FHOD3: variants seen among roughly 807,000 people sequenced by gnomAD.
FHOD3 encodes the protein FH1/FH2 domain-containing protein 3.
FHOD3 carries 90 observed loss-of-function variants against 173.0 expected under a neutral mutation model. That is an observed-to-expected ratio of 0.52 (90% confidence interval 0.44 to 0.62). The LOEUF is 0.62. Ranked by LOEUF, FHOD3 falls within the 20% of genes least tolerant of loss-of-function variation. The probability of loss-of-function intolerance (pLI) is 0.00; values close to 1 mark genes in which losing one functional copy is unlikely to be tolerated. For missense variants in FHOD3, 1,945 were observed against 2,034.7 expected, an observed-to-expected ratio of 0.96 and a Z score of 0.85; for synonymous variants, 828 against 823.0, an observed-to-expected ratio of 1.01 and a Z score of -0.10.
intron 28 of FHOD3, chr18:36,778,269 C>G (rs139897189): frequency 6.6e-6 from 1 of 152,240 alleles, no homozygotes; most frequent in African/African-American, 2.4e-5. Context: ...GGCAAAGGAA[C>G]TGGGGAGACA....
At chr18:36,377,173 A>G (rs1487559552) in intron 3 of FHOD3, among the ~76,000 whole-genome samples, 3 of 152,112 alleles carry the variant, frequency 2.0e-5, no homozygotes, top group Non-Finnish European at 1.5e-5. Context: ...ACCCCCAACC[A>G]CTGTCCCCTC....
At chr18:36,465,511 G>C (rs1377823480) in intron 3 of FHOD3, among the ~76,000 whole-genome samples, 1 of 152,174 alleles carries the variant, frequency 6.6e-6, no homozygotes, top group Non-Finnish European at 1.5e-5. Context: ...AGGAGGGGCA[G>C]TGCTGCCCAC....
At chr18:36,438,981 C>A (rs1277819681) in intron 3 of FHOD3, among the ~76,000 whole-genome samples, 1 of 152,194 alleles carries the variant, frequency 6.6e-6, no homozygotes, top group East Asian at 1.9e-4. Flanking sequence ...CAGGCAGTTG[C>A]AGACACAAGC....
At chr18:36,589,222 A>T (rs1046227906) in intron 6 of FHOD3, among the ~76,000 whole-genome samples, 1 of 152,358 alleles carries the variant, frequency 6.6e-6, no homozygotes, top group Middle Eastern at 3.4e-3. Context: ...ATTATTTCAG[A>T]TTTCTGTTAT....
intron 1 of FHOD3, among the ~76,000 whole-genome samples, chr18:36,325,455 G>A (rs539576907): frequency 3.9e-5 from 6 of 152,332 alleles, no homozygotes; most frequent in African/African-American, 1.2e-4. Flanking sequence ...TAACTTGAAG[G>A]TTATACAGTG....
At chr18:36,525,542 T>C (rs1320359510) in intron 5 of FHOD3, among the ~76,000 whole-genome samples, 1 of 152,186 alleles carries the variant, frequency 6.6e-6, no homozygotes. Flanking sequence ...CAATTTGTTA[T>C]ACAGAGTTAG....
intron 1 of FHOD3, among the ~76,000 whole-genome samples, chr18:36,298,386 A>G (rs1348060685): frequency 6.6e-6 from 1 of 152,110 alleles, no homozygotes; most frequent in Non-Finnish European, 1.5e-5. Flanking sequence ...CGCGGGAAGA[A>G]GCGGAGCGCC....
intron 18 of FHOD3, chr18:36,710,893 A>G (rs2040135781): frequency 6.6e-6 from 1 of 152,260 alleles, no homozygotes; most frequent in South Asian, 2.1e-4. Context: ...AATAGCTTTA[A>G]GAATTATTAA....
At chr18:36,336,393 A>G (rs2045309893) in intron 1 of FHOD3, among the ~76,000 whole-genome samples, 1 of 152,216 alleles carries the variant, frequency 6.6e-6, no homozygotes, top group Admixed American at 6.5e-5. Flanking sequence ...TTAGCTGTAG[A>G]GTATCTCTAG....
At chr18:36,574,070 T>C (rs1186035844) in intron 5 of FHOD3, among the ~76,000 whole-genome samples, 2 of 152,128 alleles carry the variant, frequency 1.3e-5, no homozygotes, top group Non-Finnish European at 2.9e-5. Context: ...CAAATGGAGG[T>C]AAAAATACCC....
At chr18:36,398,277 G>A (rs959313225) in intron 3 of FHOD3, among the ~76,000 whole-genome samples, 7 of 152,106 alleles carry the variant, frequency 4.6e-5, no homozygotes, top group Admixed American at 3.3e-4. Context: ...CCATATCTTG[G>A]GATGCTGATG....
At position 36,580,785 on chromosome 18, in the gene FHOD3, A is replaced by G. The variant is rs751156683; in HGVS notation, c.606+4240A>G. 3.9e-5 allele frequency among the ~76,000 whole-genome samples: 6 copies of G among 152,370 alleles called. 1 individual carries two copies. Among genetic ancestry groups the G allele is most frequent in the South Asian group, 4.1e-4 (2 of 4,832 alleles). The stretch of plus-strand genomic sequence containing the variant: ...CCTCCTTAAACATACAGTTTGGTCA[A>G]TACAGCTGCAATGGGTTTTCCCCAA... On this transcript the variant is annotated intron_variant, in intron 6 of 28. Coordinates refer to ENST00000590592, the MANE Select transcript of FHOD3 (RefSeq NM_001281740.3).
intron 5 of FHOD3, among the ~76,000 whole-genome samples, chr18:36,572,111 T>C (rs1021070940): frequency 6.6e-6 from 1 of 152,198 alleles, no homozygotes; most frequent in Non-Finnish European, 1.5e-5. Flanking sequence ...AGCCGTGTCA[T>C]TTTTGAGATG....
intron 1 of FHOD3, among the ~76,000 whole-genome samples, chr18:36,337,204 T>G (rs2045366037): frequency 6.6e-6 from 1 of 152,072 alleles, no homozygotes; most frequent in Admixed American, 6.5e-5. Context: ...ATTTTTATAT[T>G]AAAGGTCAGA....
chr18:36,579,730 G>A (rs901134605), intron 6 of FHOD3, among the ~76,000 whole-genome samples: 1 of 152,158 alleles, frequency 6.6e-6, no homozygotes, highest in East Asian at 1.9e-4. Context: ...GAGAGACTGG[G>A]CCCTCACAGT....
intron 27 of FHOD3, 89 bp downstream of exon 27, chr18:36,760,871 G>A: frequency 2.2e-6 from 3 of 1,364,910 alleles, no homozygotes; most frequent in African/African-American, 1.5e-5. Context: ...GCGGTCCACG[G>A]CTGTGACTGG....
chr18:36,709,580 C>A, intron 18 of FHOD3, 189 bp downstream of exon 18: 1 of 620,382 alleles, frequency 1.6e-6, no homozygotes, highest in Non-Finnish European at 2.8e-6. Flanking sequence ...CAGCCTTCTG[C>A]CCTGTAGAAA....
At chr18:36,554,546 A>G (rs890237812) in intron 5 of FHOD3, among the ~76,000 whole-genome samples, 7 of 152,060 alleles carry the variant, frequency 4.6e-5, no homozygotes, top group Non-Finnish European at 8.8e-5. Flanking sequence ...TGACGAGTTA[A>G]TGGGTGCAGC....
chr18:36,416,177 C>T (rs867827683), intron 3 of FHOD3, among the ~76,000 whole-genome samples: 15 of 152,184 alleles, frequency 9.9e-5, no homozygotes, highest in Middle Eastern at 6.8e-3. Flanking sequence ...GGACTATAGG[C>T]GTGCACCATC....
Sources: allele counts gnomAD v4.1 joint callset (sites outside exome capture counted in the v4.1 genomes callset), GRCh38; gene constraint gnomAD v4.1.1; transcripts MANE v1.5; gene names NCBI Gene and HGNC (gene_info 2026-07-23, HGNC 2026-07-21).